The following PSMG2 variants were observed in gnomAD, a reference collection of about 807,000 sequenced individuals.
PSMG2 encodes proteasome assembly chaperone 2, also known as CD40 ligand-activated specific transcript 3.
In PSMG2, 21 loss-of-function variants were observed where a neutral mutation model predicts 31.5. The observed-to-expected ratio is 0.67, with a 90% CI of 0.47 to 0.96. The LOEUF (loss-of-function observed/expected upper bound fraction) is 0.96, where lower values mean the gene tolerates loss of function less well. PSMG2 is among the 40% of genes least tolerant of loss of function. The pLI is 0.00. For synonymous variants in PSMG2, 120 were observed against 110.4 expected (o/e 1.09, Z -0.54); for missense variants, 318 against 321.2 (o/e 0.99, Z 0.08).
intron 1 of PSMG2, chr18:12,672,998 A>AT (rs762867761): frequency 1.2e-5 from 12 of 993,720 alleles, no homozygotes; most frequent in Non-Finnish European, 1.4e-5. Flanking sequence ...GATCATACTG[A>AT]TTTGTCTAGG....
chr18:12,697,826 G>A (rs181023120), intron 1 of PSMG2, among the ~76,000 whole-genome samples: 5 of 151,452 alleles, frequency 3.3e-5, no homozygotes, highest in African/African-American at 9.6e-5. Flanking sequence ...ACAGCACATC[G>A]AATCTAGCAA....
At chr18:12,689,832 C>T (rs1014809144) in intron 1 of PSMG2, among the ~76,000 whole-genome samples, 1 of 152,110 alleles carries the variant, frequency 6.6e-6, no homozygotes, top group Non-Finnish European at 1.5e-5. Flanking sequence ...CTCTGTTGCC[C>T]AGGCTGGAGT....
At position 12,712,742 on chromosome 18, in the gene PSMG2, A is replaced by G. The variant is rs1164716826; in HGVS notation, c.270A>G (p.Leu90=). ...LPSRKLVALQ[L]RSIFIKYKSK... ...CAAGAAAGCTGGTGGCTCTACAGTT[A>G]AGATCCATTTTTATTAAGGTTAGTA... The change falls in exon 3 of 7, where the codon TTA becomes TTG. Residue 90 remains leucine (L), a synonymous_variant. Coordinates refer to ENST00000317615, the MANE Select transcript of PSMG2 (RefSeq NM_020232.5). The G allele has an allele frequency of 1.2e-6, 2 of 1,606,890 alleles. No homozygotes were observed. The highest frequency in any genetic ancestry group is 2.7e-5 in the African/African-American group (2 of 74,736).
intron 3 of PSMG2, 36 bp from the exon 4 acceptor site, chr18:12,718,481 T>C (rs2040399052): frequency 1.4e-6 from 2 of 1,384,702 alleles, no homozygotes; most frequent in Non-Finnish European, 2.0e-6. Context: ...GACTAACTTT[T>C]AGATTTTCTT....
At chr18:12,695,054 CCTAAA>C (rs1375678657) in intron 1 of PSMG2, among the ~76,000 whole-genome samples, 2 of 152,104 alleles carry the variant, frequency 1.3e-5, no homozygotes, top group Non-Finnish European at 2.9e-5. Context: ...CATCGTATTT[CCTAAA>C]CTAGACTACA....
intron 3 of PSMG2, 115 bp downstream of exon 3, chr18:12,712,875 C>T (rs1224108131): frequency 4.4e-6 from 3 of 674,780 alleles, no homozygotes; most frequent in Non-Finnish European, 7.4e-6. Context: ...CAGTTAAGAT[C>T]TGATTCTACA....
upstream of PSMG2, chr18:12,698,813 T>C (rs1297297754): frequency 2.3e-5 from 14 of 597,676 alleles, no homozygotes; most frequent in Non-Finnish European, 4.2e-5. Context: ...AAACAGAATA[T>C]TGCAAGAAGG....
At chr18:12,662,813 A>C (rs555017609) in intron 1 of PSMG2, among the ~76,000 whole-genome samples, 7 of 152,332 alleles carry the variant, frequency 4.6e-5, no homozygotes, top group African/African-American at 1.7e-4. Flanking sequence ...CGAAAAGTAG[A>C]GGATTGAGAT....
chr18:12,676,562 A>G (rs1272595052), intron 1 of PSMG2, among the ~76,000 whole-genome samples: 1 of 152,146 alleles, frequency 6.6e-6, no homozygotes, highest in Admixed American at 6.6e-5. Context: ...GGCGTGAGAC[A>G]CTGTGCCTGG....
At chr18:12,695,411 A>G (rs1268353047) in intron 1 of PSMG2, 3 of 748,218 alleles carry the variant, frequency 4.0e-6, no homozygotes, top group Non-Finnish European at 6.3e-6. Context: ...TTAGTCAACC[A>G]AAGTCTAACC....
intron 1 of PSMG2, among the ~76,000 whole-genome samples, chr18:12,696,786 T>C (rs1291883090): frequency 1.3e-5 from 2 of 152,156 alleles, no homozygotes; most frequent in Non-Finnish European, 2.9e-5. Flanking sequence ...CGAGTCTCAC[T>C]CACCCACACT....
intron 1 of PSMG2, among the ~76,000 whole-genome samples, chr18:12,697,564 C>A (rs1007103065): frequency 1.3e-5 from 2 of 152,198 alleles, no homozygotes; most frequent in African/African-American, 2.4e-5. Flanking sequence ...ACTGGAAATA[C>A]AAGTACAGTC....
In PSMG2 at chr18:12,671,208, T is replaced by G. The variant is rs1175657157; in HGVS notation, c.-37+12435T>G. 3 of 152,118 alleles carry G rather than the reference T, an allele frequency of 2.0e-5. No homozygotes were observed. In the South Asian group the frequency reaches 6.2e-4, roughly 31 times the overall value. The allele number at this position is 152,118 out of a possible 1,614,324, so 9.4% of individuals were successfully genotyped here. On this transcript the variant is annotated intron_variant, in intron 1 of 6. Coordinates refer to the PSMG2 transcript ENST00000585331. ...ATCCTCTGGCCGCAGCCTCCAAAAG[T>G]GCTGGGATTATAGGTGTGAGCCATC...
intron 2 of PSMG2, among the ~76,000 whole-genome samples, chr18:12,709,141 G>A (rs923069606): frequency 9.2e-5 from 14 of 151,954 alleles, no homozygotes; most frequent in African/African-American, 2.9e-4. Flanking sequence ...TGCCTCCCGG[G>A]TTCAAGCGAT....
chr18:12,691,227 T>C, intron 1 of PSMG2: 1 of 574,726 alleles, frequency 1.7e-6, no homozygotes, highest in Non-Finnish European at 2.8e-6. Flanking sequence ...TATTACAAAA[T>C]CAGCATTTTA....
At chr18:12,722,285 T>A (rs1377408306) in intron 5 of PSMG2, among the ~76,000 whole-genome samples, 4 of 152,198 alleles carry the variant, frequency 2.6e-5, no homozygotes, top group African/African-American at 7.2e-5. Context: ...AGCACATAGC[T>A]GTCATCCCTA....
intron 1 of PSMG2, chr18:12,674,788 T>C (rs1300873612): frequency 7.2e-7 from 1 of 1,380,460 alleles, no homozygotes; most frequent in Non-Finnish European, 1.0e-6. Flanking sequence ...AAAAGTGAAA[T>C]ACATTAATAT....
chr18:12,707,768 A>G (rs12961711), intron 2 of PSMG2, among the ~76,000 whole-genome samples: 13,563 of 152,330 alleles, frequency 0.089, 844 homozygotes, highest in Non-Finnish European at 0.13. Flanking sequence ...CAGAGGTGAC[A>G]GAAGAGCATG....
intron 2 of PSMG2, among the ~76,000 whole-genome samples, chr18:12,711,370 A>G (rs890686833): frequency 2.0e-5 from 3 of 152,188 alleles, no homozygotes; most frequent in Admixed American, 6.5e-5. Flanking sequence ...TCCACCCCCT[A>G]CAGATACATT....
Sources: gnomAD v4.1 joint callset for allele counts (sites outside exome capture counted in the v4.1 genomes callset) on GRCh38, gnomAD v4.1.1 for gene constraint, MANE v1.5 for transcripts, NCBI Gene and HGNC (gene_info 2026-07-23, HGNC 2026-07-21) for gene names.